CDH12: variants seen among roughly 807,000 people sequenced by gnomAD.
CDH12 encodes the protein cadherin-12.
CDH12 carries 41 observed loss-of-function variants against 74.1 expected under a neutral mutation model. The ratio of observed to expected loss-of-function variants is 0.55; its 90% confidence interval spans 0.43 to 0.72. CDH12 has a LOEUF of 0.72. Ranked by LOEUF, CDH12 falls within the 30% of genes least tolerant of loss-of-function variation. The pLI is 0.00. For synonymous variants in CDH12, 399 were observed against 355.0 expected, an observed-to-expected ratio of 1.12 and a Z score of -1.39; for missense variants, 945 against 977.2, an observed-to-expected ratio of 0.97 and a Z score of 0.44.
intron 2 of CDH12, among the ~76,000 whole-genome samples, chr5:22,453,886 TTA>T (rs1228483304): frequency 6.6e-6 from 1 of 152,132 alleles, no homozygotes; most frequent in Non-Finnish European, 1.5e-5. Context: ...ATTTTAATAT[TTA>T]TATGATTTAT....
chr5:22,061,200 G>A (rs547938020), intron 5 of CDH12, among the ~76,000 whole-genome samples: 52 of 152,238 alleles, frequency 3.4e-4, no homozygotes, highest in African/African-American at 1.2e-3. Context: ...TGAAATTTCT[G>A]TGGGAAATTC....
chr5:22,172,371 C>A (rs768866760), intron 4 of CDH12: 2 of 151,712 alleles, frequency 1.3e-5, no homozygotes, highest in Non-Finnish European at 2.9e-5. Context: ...TTGAAGATGA[C>A]GGAAGCAGCT....
intron 9 of CDH12, among the ~76,000 whole-genome samples, chr5:21,809,480 A>G (rs2149934350): frequency 6.6e-6 from 1 of 152,262 alleles, no homozygotes; most frequent in East Asian, 1.9e-4. Flanking sequence ...GTTGTACACA[A>G]CAATTGGAAG....
intron 5 of CDH12, among the ~76,000 whole-genome samples, chr5:22,039,306 G>A (rs1046838541): frequency 1.3e-5 from 2 of 152,078 alleles, no homozygotes; most frequent in Non-Finnish European, 2.9e-5. Flanking sequence ...CAGGGGCAAA[G>A]TCAAAAGCTA....
intron 3 of CDH12, among the ~76,000 whole-genome samples, chr5:22,347,016 T>C (rs1740145146): frequency 1.3e-5 from 2 of 152,220 alleles, no homozygotes; most frequent in South Asian, 2.1e-4. Context: ...AATTTCCTCA[T>C]GTATCAAGTG....
chr5:22,373,283 G>A (rs1453820593), intron 3 of CDH12, among the ~76,000 whole-genome samples: 1 of 152,204 alleles, frequency 6.6e-6, no homozygotes, highest in East Asian at 1.9e-4. Flanking sequence ...TGAGCCACCT[G>A]TGTGGACTGA....
chr5:22,641,261 C>G (rs544289209), intron 1 of CDH12, among the ~76,000 whole-genome samples: 1 of 152,124 alleles, frequency 6.6e-6, no homozygotes, highest in Non-Finnish European at 1.5e-5. Context: ...CAGTCCAAGG[C>G]CAAAGTCCTG....
chr5:22,020,413 A>C (rs1213742228), intron 5 of CDH12, among the ~76,000 whole-genome samples: 3 of 151,942 alleles, frequency 2.0e-5, no homozygotes, highest in Admixed American at 6.6e-5. Flanking sequence ...AACTAGCCAG[A>C]CATGGTGGTG....
chr5:22,455,450 A>T (rs1243161844), intron 2 of CDH12, among the ~76,000 whole-genome samples: 1 of 152,158 alleles, frequency 6.6e-6, no homozygotes, highest in African/African-American at 2.4e-5. Context: ...ATATTCTCAG[A>T]TCCAATACCA....
chr5:22,589,337 A>G (rs1740565131), intron 1 of CDH12, among the ~76,000 whole-genome samples: 1 of 152,160 alleles, frequency 6.6e-6, no homozygotes, highest in South Asian at 2.1e-4. Context: ...AATCCAGTGG[A>G]GATCAGCCAA....
In CDH12 at chr5:22,090,249, T is replaced by C. The variant is rs74463045; in HGVS notation, c.-186-11387A>G. ...AAAAAACGTACTATAACAAATACCATGAACAACTTTATGCCAACAAATTAA... is the reference window on the plus strand; with the variant it reads ...AAAAAACGTACTATAACAAATACCACGAACAACTTTATGCCAACAAATTAA... On this transcript the variant is annotated intron_variant, in intron 4 of 14. Coordinates refer to ENST00000382254, the MANE Select transcript of CDH12 (RefSeq NM_004061.5). Among the ~76,000 whole-genome samples the C allele has an allele frequency of 1.8e-3, 281 of 152,002 alleles. 4 individuals are homozygous for C. In the East Asian group the frequency reaches 0.045, roughly 24 times the overall value.
intron 4 of CDH12, among the ~76,000 whole-genome samples, chr5:22,188,862 T>A (rs774032961): frequency 6.6e-6 from 1 of 152,184 alleles, no homozygotes; most frequent in Non-Finnish European, 1.5e-5. Flanking sequence ...GCGATGCTGG[T>A]TTGGAATAAC....
intron 5 of CDH12, among the ~76,000 whole-genome samples, chr5:22,009,956 AAAAGAAAAAAAG>A (rs1279037340): frequency 1.6e-4 from 24 of 150,816 alleles, no homozygotes; most frequent in African/African-American, 5.6e-4. Flanking sequence ...AAAAAAAAAA[AAAAGAAAAAAAG>A]AAAGAAAAAA....
At chr5:22,664,412 G>T (rs1425441289) in intron 1 of CDH12, among the ~76,000 whole-genome samples, 1 of 152,062 alleles carries the variant, frequency 6.6e-6, no homozygotes, top group Non-Finnish European at 1.5e-5. Flanking sequence ...CCAAGCGAAG[G>T]GGAGAAAAGC....
rs539172835 is a variant in CDH12 at position 21,960,877 on chromosome 5, A to C, written c.526+14214T>G. 7.1e-3 allele frequency among the ~76,000 whole-genome samples: 1,088 copies of C among 152,208 alleles called. 16 individuals carry two copies. Among genetic ancestry groups the C allele is most frequent in the African/African-American group, 0.025 (1,039 of 41,532 alleles). On this transcript the variant is annotated intron_variant, in intron 6 of 14. Transcript: ENST00000382254. ...AATGTACATATTTAATCAATATCTC[A>C]ATCAACGCAAAAACCATTGTTTCAC...
intron 4 of CDH12, among the ~76,000 whole-genome samples, chr5:22,123,727 A>C (rs1361380640): frequency 1.3e-5 from 2 of 152,198 alleles, no homozygotes; most frequent in Non-Finnish European, 2.9e-5. Context: ...AATACAGTTA[A>C]TCCTCATAAC....
intron 3 of CDH12, among the ~76,000 whole-genome samples, chr5:22,264,477 G>C (rs180975642): frequency 4.2e-4 from 64 of 152,192 alleles, no homozygotes; most frequent in African/African-American, 1.5e-3. Context: ...ATCTTAAACA[G>C]AGATATCAGG....
At chr5:22,717,914 A>T (rs1179240806) in intron 1 of CDH12, among the ~76,000 whole-genome samples, 2 of 152,112 alleles carry the variant, frequency 1.3e-5, no homozygotes, top group Non-Finnish European at 2.9e-5. Context: ...ACATCCACAA[A>T]GAAAAAAAAA....
chr5:21,987,571 C>T (rs2150132482), intron 5 of CDH12, among the ~76,000 whole-genome samples: 1 of 152,292 alleles, frequency 6.6e-6, no homozygotes, highest in South Asian at 2.1e-4. Context: ...TTTTCATAAT[C>T]TTTCCTTCAT....
Sources: allele counts gnomAD v4.1 joint callset (sites outside exome capture counted in the v4.1 genomes callset), GRCh38; gene constraint gnomAD v4.1.1; transcripts MANE v1.5; gene names NCBI Gene and HGNC (gene_info 2026-07-23, HGNC 2026-07-21).